The following RYR3 variants were observed in gnomAD, a reference collection of about 807,000 sequenced individuals.
RYR3 encodes ryanodine receptor 3.
RYR3 carries 207 observed loss-of-function variants against 584.3 expected under a neutral mutation model. That is an observed-to-expected ratio of 0.35 (90% confidence interval 0.32 to 0.40). The LOEUF (loss-of-function observed/expected upper bound fraction) is 0.40. RYR3 is among the 10% of genes least tolerant of loss of function. The probability of loss-of-function intolerance (pLI) is 1.00; values close to 1 mark genes in which losing one functional copy is unlikely to be tolerated. For synonymous variants in RYR3, 2,416 were observed against 2,248.5 expected (o/e 1.07, Z -2.11); for missense variants, 5,616 against 6,089.2 (o/e 0.92, Z 2.59).
chr15:33,835,064 C>G lies in RYR3; in HGVS notation c.11560C>G (p.Leu3854Val), dbSNP rs765310885. The change falls in exon 87 of 104, where the codon CTC (leucine) becomes GTC (valine). Residue 3854 changes from leucine to valine, a missense_variant. Coordinates refer to ENST00000634891, the MANE Select transcript of RYR3 (RefSeq NM_001036.6). ...LHVFANMQMK[L>V]SQDSSQIELL... ...TGTCTTTGCTAATATGCAGATGAAA[C>G]TCTCTCAGGTACTGTGGCCCATTCC... 1.9e-5 allele frequency: 31 copies of G among 1,612,090 alleles called. No homozygotes were observed. The highest frequency in any genetic ancestry group is 1.6e-4 in the Middle Eastern group (1 of 6,082).
At chr15:33,864,562 T>G (rs553719106) in intron 103 of RYR3, among the ~76,000 whole-genome samples, 1 of 151,248 alleles carries the variant, frequency 6.6e-6, no homozygotes, top group African/African-American at 2.4e-5. Context: ...AACGACCTCA[T>G]GTGTGGGTGA....
intron 59 of RYR3, among the ~76,000 whole-genome samples, 170 bp from the exon 60 acceptor site, chr15:33,757,305 A>G (rs542998529): frequency 1.3e-5 from 2 of 152,298 alleles, no homozygotes; most frequent in East Asian, 1.9e-4. Flanking sequence ...GGTTTGAGGC[A>G]TAGAAAAGGA....
At chr15:33,778,062 C>T (rs866881590) in intron 64 of RYR3, among the ~76,000 whole-genome samples, 2 of 152,034 alleles carry the variant, frequency 1.3e-5, no homozygotes, top group African/African-American at 2.4e-5. Flanking sequence ...CCCAGCTACT[C>T]GGGAGGCTAA....
chr15:33,476,510 A>G (rs2049392271), intron 2 of RYR3, among the ~76,000 whole-genome samples: 1 of 152,094 alleles, frequency 6.6e-6, no homozygotes, highest in Non-Finnish European at 1.5e-5. Flanking sequence ...CTGTTTTCAA[A>G]GTTGTACTCA....
In RYR3 at chr15:33,702,177, C is replaced by T. The variant is rs1380121148; in HGVS notation, c.6483+1097C>T. Among the ~76,000 whole-genome samples the T allele has an allele frequency of 3.3e-5, 5 of 152,136 alleles. No homozygotes were observed. In the South Asian group the frequency reaches 6.2e-4, roughly 19 times the overall value. ...CAGTGGCACAGCCAGGCATCGAGAG[C>T]GCTGGGCTGTGGAGGCAGTGCTCCT... On this transcript the variant is annotated intron_variant, in intron 42 of 103. Coordinates refer to ENST00000634891, the MANE Select transcript of RYR3 (RefSeq NM_001036.6).
At chr15:33,492,464 C>CA (rs61324117) in intron 2 of RYR3, among the ~76,000 whole-genome samples, 94,351 of 145,460 alleles carry the variant, frequency 0.65, 30,015 homozygotes, top group Non-Finnish European at 0.66. Flanking sequence ...TCTCTCAAAG[C>CA]AAAAAAAAAA....
At chr15:33,439,936 C>T (rs1013689979) in intron 1 of RYR3, among the ~76,000 whole-genome samples, 31 of 152,154 alleles carry the variant, frequency 2.0e-4, no homozygotes, top group African/African-American at 6.7e-4. Flanking sequence ...GCATGGATAG[C>T]GACAGGTAGA....
chr15:33,330,727 A>C (rs1970280309), intron 1 of RYR3, among the ~76,000 whole-genome samples: 1 of 152,222 alleles, frequency 6.6e-6, no homozygotes. Flanking sequence ...TGCTAGGAGC[A>C]GGATGCCATA....
intron 38 of RYR3, among the ~76,000 whole-genome samples, chr15:33,688,884 C>T (rs1222166710): frequency 1.3e-5 from 2 of 151,964 alleles, no homozygotes; most frequent in Non-Finnish European, 2.9e-5. Flanking sequence ...GGTATATACC[C>T]AAAGGATTAT....
intron 38 of RYR3, among the ~76,000 whole-genome samples, chr15:33,674,982 T>G (rs1158536257): frequency 6.6e-6 from 1 of 150,770 alleles, no homozygotes; most frequent in Non-Finnish European, 1.5e-5. Flanking sequence ...ATAGTCCCAG[T>G]TACTGGGGAG....
At chr15:33,761,654 C>T (rs569575807) in intron 60 of RYR3, among the ~76,000 whole-genome samples, 5 of 152,322 alleles carry the variant, frequency 3.3e-5, no homozygotes, top group African/African-American at 1.2e-4. Context: ...GACAGATTCA[C>T]AGCCTAATTC....
At chr15:33,344,273 C>A (rs1972170964) in intron 1 of RYR3, among the ~76,000 whole-genome samples, 1 of 152,146 alleles carries the variant, frequency 6.6e-6, no homozygotes, top group Non-Finnish European at 1.5e-5. Flanking sequence ...CTGAAATCTG[C>A]CTCATGGTTG....
In RYR3 at chr15:33,728,979, G is replaced by A; in HGVS notation, c.7156G>A (p.Glu2386Lys). The A allele has an allele frequency of 6.2e-7, 1 of 1,613,982 alleles. No homozygotes were observed. Among genetic ancestry groups the A allele is most frequent in the Non-Finnish European group, 8.5e-7 (1 of 1,179,880 alleles). The change falls in exon 47 of 104, where the codon GAG (glutamate) becomes AAG (lysine). Residue 2386 changes from glutamate (E) to lysine (K), a missense_variant. Transcript: ENST00000634891. ...TCAAACTTTTCTGCTCCACTTGCTG[G>A]AGGTTGGATTTTTACCTGACCTAAG... ...KDQTFLLHLLEVGFLPDLRAS... is the reference protein window; with the variant it reads ...KDQTFLLHLLKVGFLPDLRAS...
At chr15:33,569,440 ACT>A (rs56829001) in intron 12 of RYR3, among the ~76,000 whole-genome samples, 2,285 of 152,064 alleles carry the variant, frequency 0.015, 59 homozygotes, top group African/African-American at 0.052. Context: ...ACTTCTACTT[ACT>A]CTCTGCTTCT....
chr15:33,538,022 T>C (rs1040548888), intron 5 of RYR3, among the ~76,000 whole-genome samples: 26 of 152,216 alleles, frequency 1.7e-4, no homozygotes, highest in Admixed American at 1.2e-3. Flanking sequence ...GTGAGTATTT[T>C]TCTTTTCCTT....
chr15:33,465,965 A>G (rs143292076), intron 1 of RYR3, among the ~76,000 whole-genome samples: 18 of 152,300 alleles, frequency 1.2e-4, no homozygotes, highest in Non-Finnish European at 2.1e-4. Flanking sequence ...GTTCTGAAAT[A>G]AAGAAAACTA....
intron 48 of RYR3, among the ~76,000 whole-genome samples, chr15:33,734,455 C>T (rs549095597): frequency 2.0e-5 from 3 of 152,064 alleles, no homozygotes; most frequent in Non-Finnish European, 4.4e-5. Flanking sequence ...AAAAAGAAAT[C>T]GTTTCCATCA....
chr15:33,743,278 A>G (rs997603663), intron 52 of RYR3, among the ~76,000 whole-genome samples: 26 of 152,198 alleles, frequency 1.7e-4, no homozygotes, highest in Admixed American at 1.6e-3. Flanking sequence ...GATAACAGCT[A>G]TCATTGTAAC....
chr15:33,522,719 G>T (rs1179945724), intron 3 of RYR3, among the ~76,000 whole-genome samples: 2 of 152,034 alleles, frequency 1.3e-5, no homozygotes, highest in Non-Finnish European at 2.9e-5. Flanking sequence ...GGGCTCTTTG[G>T]GGTTTCATAC....
Sources: gnomAD v4.1 joint callset for allele counts (sites outside exome capture counted in the v4.1 genomes callset) on GRCh38, gnomAD v4.1.1 for gene constraint, MANE v1.5 for transcripts, NCBI Gene and HGNC (gene_info 2026-07-23, HGNC 2026-07-21) for gene names.